Variants in MGA observed in about 807,000 individuals in gnomAD.
The protein encoded by MGA is MAX dimerization protein MGA.
Under a neutral mutation model 261.1 loss-of-function variants are expected in MGA, and 40 were observed. The observed-to-expected ratio is 0.15, with a 90% CI of 0.12 to 0.20. MGA has a LOEUF of 0.20. Among genes scored for constraint, MGA ranks in the 10% least tolerant of loss-of-function variants. The probability of loss-of-function intolerance (pLI) is 1.00; values close to 1 mark genes in which losing one functional copy is unlikely to be tolerated. For missense variants in MGA, 3,397 were observed against 3,630.5 expected, an observed-to-expected ratio of 0.94 and a Z score of 1.65; for synonymous variants, 1,302 against 1,290.6, an observed-to-expected ratio of 1.01 and a Z score of -0.19.
At chr15:41,746,404 T>C (rs2062472938) in intron 15 of MGA, among the ~76,000 whole-genome samples, 1 of 151,740 alleles carries the variant, frequency 6.6e-6, no homozygotes, top group Admixed American at 6.6e-5. Context: ...ATTAGCCGGA[T>C]GTGGTGGTTG....
chr15:41,690,994 GTTT>G (rs386382831), intron 2 of MGA, among the ~76,000 whole-genome samples: 5 of 104,340 alleles, frequency 4.8e-5, no homozygotes, highest in Non-Finnish European at 9.5e-5. Context: ...AGATTGCTTT[GTTT>G]TTTTTTTTTT....
chr15:41,632,948 A>G (rs907251069), intron 1 of MGA, among the ~76,000 whole-genome samples: 5 of 151,916 alleles, frequency 3.3e-5, no homozygotes, highest in African/African-American at 1.2e-4. Context: ...TTTGAATTTC[A>G]TGTAATTTTT....
intron 22 of MGA, among the ~76,000 whole-genome samples, chr15:41,764,182 G>T (rs551979075): frequency 1.3e-5 from 2 of 151,366 alleles, no homozygotes; most frequent in East Asian, 3.9e-4. Flanking sequence ...AAAAAAAATG[G>T]TATATTCTTT....
chr15:41,699,074 A>G lies in MGA; in HGVS notation c.2103A>G (p.Ala701=), dbSNP rs979097713. ...TTATTTTGGGTGTAGGTTACAGAGCAAGAATTTCCCAGTTGGAAAAGGAAT... is the reference window on the plus strand; with the variant it reads ...TTATTTTGGGTGTAGGTTACAGAGCGAGAATTTCCCAGTTGGAAAAGGAAT... The change falls in exon 5 of 24, where the codon GCA becomes GCG. Residue 701 remains alanine, a synonymous_variant. Coordinates refer to ENST00000219905, the MANE Select transcript of MGA (RefSeq NM_001164273.2). 13 of 1,611,130 alleles carry G rather than the reference A, an allele frequency of 8.1e-6. No individual in the cohort carries two copies. The highest frequency in any genetic ancestry group is 1.1e-5 in the South Asian group (1 of 90,300).
At chr15:41,712,758 C>T (rs1366814766) in intron 8 of MGA, among the ~76,000 whole-genome samples, 1 of 152,166 alleles carries the variant, frequency 6.6e-6, no homozygotes, top group Admixed American at 6.6e-5. Context: ...CATACACTCT[C>T]TATAGGAGTT....
Position 41,700,326 on chromosome 15 carries a change from G to A in MGA, c.2188+1167G>A, listed in dbSNP as rs1266676060. 5.3e-5 allele frequency among the ~76,000 whole-genome samples: 8 copies of A among 152,170 alleles called. No homozygotes were observed. In the East Asian group the frequency reaches 9.7e-4, roughly 18 times the overall value. On this transcript the variant is annotated intron_variant, in intron 5 of 23. Coordinates refer to ENST00000219905, the MANE Select transcript of MGA (RefSeq NM_001164273.2). ...CTCCCAAAGTGCTGAGATTACAGGC[G>A]TGAGCCACCGCGCCCGGCCCTGTCA... is the stretch of plus-strand genomic sequence containing the variant.
rs1170625407 is a variant in MGA, at chr15:41,713,398, A to G, written c.3332A>G (p.Tyr1111Cys). ...GCTGCTCATCGAGATCCAGTATTTT[A>G]TGATACTCTGGGAGAGGAGGCAAGG... The change falls in exon 9 of 24, where the codon TAT becomes TGT. Residue 1111 changes from tyrosine (Y) to cysteine (C), a missense_variant. Physicochemically the swap from Tyr to Cys is radical, Grantham distance 194 (BLOSUM62 -2). Coordinates refer to ENST00000219905, the MANE Select transcript of MGA (RefSeq NM_001164273.2). 6.2e-7 allele frequency: 1 copy of G among 1,602,766 alleles called. No homozygotes were observed. Among genetic ancestry groups the G allele is most frequent in the African/African-American group, 1.3e-5 (1 of 74,912 alleles).
Position 41,750,030 on chromosome 15 carries a change from A to G in MGA, c.6423A>G (p.Glu2141=). 1.9e-6 allele frequency: 3 copies of G among 1,613,268 alleles called. No individual in the cohort carries two copies. Among genetic ancestry groups the G allele is most frequent in the Non-Finnish European group, 1.7e-6 (2 of 1,179,652 alleles). The stretch of plus-strand genomic sequence containing the variant: ...CCTTTAAGGAAGAAAGTAAATTTGA[A>G]TTGTCAGGAAGCAAAGTTATGGAGC... Residue 2141 remains glutamate, a synonymous_variant, in exon 17 of 24, where the codon GAA becomes GAG. Transcript: ENST00000219905.
At chr15:41,745,356 A>G (rs1265621400) in intron 15 of MGA, among the ~76,000 whole-genome samples, 1 of 150,592 alleles carries the variant, frequency 6.6e-6, no homozygotes, top group Admixed American at 6.6e-5. Flanking sequence ...ATAGAGGTTA[A>G]CCCTATAAAG....
At chr15:41,649,978 G>T (rs578079176) in intron 1 of MGA, among the ~76,000 whole-genome samples, 2 of 152,154 alleles carry the variant, frequency 1.3e-5, no homozygotes, top group Non-Finnish European at 2.9e-5. Flanking sequence ...ACCGCGCCCA[G>T]CCTTCCACAC....
At chr15:41,623,912 T>C (rs2056377873) in intron 1 of MGA, among the ~76,000 whole-genome samples, 2 of 147,800 alleles carry the variant, frequency 1.4e-5, no homozygotes, top group South Asian at 4.3e-4. Context: ...ATTACAGGTG[T>C]CTCCCACTAC....
At chr15:41,730,365 G>T (rs1351566018) in intron 11 of MGA, among the ~76,000 whole-genome samples, 1 of 151,896 alleles carries the variant, frequency 6.6e-6, no homozygotes, top group African/African-American at 2.4e-5. Flanking sequence ...CTTGAACCCA[G>T]GAGGCCAAGG....
chr15:41,743,275 T>C lies in MGA; in HGVS notation c.5212+103T>C, dbSNP rs959605713. 3.0e-6 allele frequency: 4 copies of C among 1,328,340 alleles called. No homozygotes were observed. The African/African-American group carries it at 6.0e-5, about 20-fold the overall frequency. The allele number at this position is 1,328,340 out of a possible 1,614,324, so 82.3% of individuals were successfully genotyped here. On this transcript the variant is annotated intron_variant, in intron 15 of 23. Coordinates refer to ENST00000219905, the MANE Select transcript of MGA (RefSeq NM_001164273.2). ...AGATATATCAGGATAACAGTATAGG[T>C]ATTTCTGTTGTAACATGATACATGT... is the stretch of plus-strand genomic sequence containing the variant.
intron 1 of MGA, among the ~76,000 whole-genome samples, chr15:41,628,322 G>A (rs189004274): frequency 2.0e-5 from 3 of 147,994 alleles, no homozygotes; most frequent in Non-Finnish European, 3.0e-5. Context: ...AGCTGAGATC[G>A]TGCCACTGCT....
chr15:41,764,252 A>G (rs1037723596), intron 22 of MGA, among the ~76,000 whole-genome samples: 1 of 109,726 alleles, frequency 9.1e-6, no homozygotes, highest in Non-Finnish European at 1.9e-5. Context: ...TGGTGTGGGT[A>G]TTTTTTTTTT....
chr15:41,728,394 A>C (rs1039647047), intron 10 of MGA, among the ~76,000 whole-genome samples: 6 of 152,198 alleles, frequency 3.9e-5, no homozygotes, highest in African/African-American at 1.4e-4. Context: ...CACGCAGTCC[A>C]AATTCTGCAT....
intron 11 of MGA, among the ~76,000 whole-genome samples, chr15:41,733,244 A>G (rs1440003279): frequency 6.6e-6 from 1 of 152,192 alleles, no homozygotes; most frequent in Non-Finnish European, 1.5e-5. Flanking sequence ...GGCGTGAGCC[A>G]CAACATCCAG....
At chr15:41,755,894 C>T (rs1474187070) in intron 18 of MGA, among the ~76,000 whole-genome samples, 1 of 152,092 alleles carries the variant, frequency 6.6e-6, no homozygotes, top group Non-Finnish European at 1.5e-5. Context: ...TGGCACACGC[C>T]TGTAGTCCCA....
At chr15:41,729,814 G>A (rs1362537325) in intron 11 of MGA, among the ~76,000 whole-genome samples, 1 of 151,890 alleles carries the variant, frequency 6.6e-6, no homozygotes, top group Non-Finnish European at 1.5e-5. Context: ...CAGCCTGGGT[G>A]ACAGAGTGAG....
Sources: allele counts gnomAD v4.1 joint callset (sites outside exome capture counted in the v4.1 genomes callset), GRCh38; gene constraint gnomAD v4.1.1; transcripts MANE v1.5; gene names NCBI Gene and HGNC (gene_info 2026-07-23, HGNC 2026-07-21).